Variants in EML1 observed in about 807,000 individuals in gnomAD.
The protein encoded by EML1 is echinoderm microtubule-associated protein-like 1.
EML1 carries 27 observed loss-of-function variants against 110.4 expected under a neutral mutation model. The observed-to-expected ratio is 0.24, with a 90% CI of 0.18 to 0.34. The LOEUF (loss-of-function observed/expected upper bound fraction) is 0.34, where lower values mean the gene tolerates loss of function less well. EML1 is among the 10% of genes least tolerant of loss of function. The pLI is 1.00. For synonymous variants in EML1, 344 were observed against 385.8 expected, an observed-to-expected ratio of 0.89 and a Z score of 1.27; for missense variants, 741 against 1,030.9, an observed-to-expected ratio of 0.72 and a Z score of 3.85.
intron 17 of EML1, among the ~76,000 whole-genome samples, chr14:99,932,291 T>A (rs1485979027): frequency 1.3e-5 from 2 of 152,132 alleles, no homozygotes; most frequent in Non-Finnish European, 2.9e-5. Context: ...CTGTCAGAGA[T>A]AGAAGTGGAT....
chr14:99,791,050 C>T (rs1008721146), upstream of EML1, among the ~76,000 whole-genome samples: 8 of 151,986 alleles, frequency 5.3e-5, no homozygotes, highest in Non-Finnish European at 1.2e-4. Flanking sequence ...TTGGTAGAGA[C>T]GGGGTTTCCC....
At chr14:99,874,685 T>C (rs562815663) in intron 3 of EML1, among the ~76,000 whole-genome samples, 1 of 145,268 alleles carries the variant, frequency 6.9e-6, no homozygotes, top group East Asian at 1.9e-4. Context: ...TGTTTTTTAT[T>C]CTACGTCTGG....
intron 19 of EML1, among the ~76,000 whole-genome samples, chr14:99,937,284 C>T (rs751611869): frequency 2.0e-5 from 3 of 152,158 alleles, no homozygotes; most frequent in Non-Finnish European, 2.9e-5. Context: ...GGCACAGGAA[C>T]GGTATGATTT....
At chr14:99,900,181 CTTTTTTTTTTTT>C (rs3071437) in intron 8 of EML1, among the ~76,000 whole-genome samples, 1 of 106,650 alleles carries the variant, frequency 9.4e-6, no homozygotes. Context: ...ATATTAAGCT[CTTTTTTTTTTTT>C]TTTTTTTTTT....
chr14:99,809,980 C>T (rs2058047869), intron 1 of EML1, among the ~76,000 whole-genome samples: 1 of 152,186 alleles, frequency 6.6e-6, no homozygotes, highest in Non-Finnish European at 1.5e-5. Flanking sequence ...ACCAGTATAA[C>T]CAGACAGCCG....
rs555857248 is a variant in EML1 at position 99,854,477 on chromosome 14, G to A, written c.250+3442G>A. 3.3e-5 allele frequency among the ~76,000 whole-genome samples: 5 copies of A among 152,316 alleles called. No individual in the cohort carries two copies. In the South Asian group the frequency reaches 1.0e-3, roughly 32 times the overall value. ...TGGGCCTGTGGATAGGTATTCTGTA[G>A]AGAGGGAGCTGTCACTTGTTCCCCT... On this transcript the variant is annotated intron_variant, in intron 2 of 21. Coordinates refer to ENST00000262233, the MANE Select transcript of EML1 (RefSeq NM_004434.3).
chr14:99,818,183 C>A (rs1656328470), intron 1 of EML1, among the ~76,000 whole-genome samples: 1 of 152,026 alleles, frequency 6.6e-6, no homozygotes, highest in South Asian at 2.1e-4. Flanking sequence ...CAATGGAGAT[C>A]CACTACAGGA....
chr14:99,868,342 G>T (rs1037476208), intron 3 of EML1, among the ~76,000 whole-genome samples: 1 of 152,152 alleles, frequency 6.6e-6, no homozygotes, highest in East Asian at 1.9e-4. Context: ...TGATTTGGAA[G>T]TGTTCCCTCC....
At chr14:99,836,364 TG>T in intron 1 of EML1, among the ~76,000 whole-genome samples, 1 of 152,208 alleles carries the variant, frequency 6.6e-6, no homozygotes, top group Admixed American at 6.5e-5. Context: ...TTGACTTTTT[TG>T]TGTTAACCTT....
intron 1 of EML1, among the ~76,000 whole-genome samples, chr14:99,836,673 T>C (rs1045441976): frequency 9.9e-5 from 15 of 152,250 alleles, no homozygotes; most frequent in African/African-American, 3.6e-4. Context: ...CATATTTTTG[T>C]GCATCTTTGA....
rs1205135496 is a variant in EML1, at chr14:99,898,286, C to G, written c.881C>G (p.Thr294Arg). 1 of 1,611,302 alleles carries G rather than the reference C, an allele frequency of 6.2e-7. No individual in the cohort carries two copies. The highest frequency in any genetic ancestry group is 8.5e-7 in the Non-Finnish European group (1 of 1,178,338). ...ATAGCAACAGGACAAGTTGCGGGCA[C>G]ATCGAAGGATGGAAAAGTGAGTTAC... The part of the protein sequence containing the change: ...ITIATGQVAG[T>R]SKDGKQLPPH... The change falls in exon 8 of 22, where the codon ACA becomes AGA. Residue 294 changes from threonine to arginine, a missense_variant. Thr to Arg is a moderately conservative substitution (Grantham distance 71, BLOSUM62 -1). This residue lies in a region of EML1 where 388 missense variants were observed against 605.6 expected (regional missense o/e 0.64). Coordinates refer to ENST00000262233, the MANE Select transcript of EML1 (RefSeq NM_004434.3).
chr14:99,793,288 G>T (rs995980649), upstream of EML1: 72 of 973,548 alleles, frequency 7.4e-5, no homozygotes, highest in Non-Finnish European at 8.8e-5. Flanking sequence ...CGGGCGGAGC[G>T]GGCGCTGGGC....
chr14:99,919,844 G>T (rs977522688), intron 16 of EML1, among the ~76,000 whole-genome samples: 1 of 152,174 alleles, frequency 6.6e-6, no homozygotes, highest in Non-Finnish European at 1.5e-5. Context: ...CACATTTCTG[G>T]GGGGCAGGAC....
At chr14:99,909,666 A>G (rs2059913599) in intron 11 of EML1, among the ~76,000 whole-genome samples, 187 bp downstream of exon 11, 1 of 152,294 alleles carries the variant, frequency 6.6e-6, no homozygotes, top group Non-Finnish European at 1.5e-5. Flanking sequence ...GCCTGGGTGG[A>G]GGGCAGGGAA....
intron 3 of EML1, among the ~76,000 whole-genome samples, chr14:99,874,454 AT>A (rs1443178253): frequency 6.6e-6 from 1 of 152,178 alleles, no homozygotes; most frequent in Non-Finnish European, 1.5e-5. Flanking sequence ...AATAAAGAGC[AT>A]TATTTTTCAC....
chr14:99,784,490 A>G lies in EML1; in HGVS notation c.-27+10477A>G, dbSNP rs1351950043. ...ATGTAAATTCTTTTGATGGAGTCCAATCATTAGGAATACTTTTGGGTAAAT... is the reference window on the plus strand; with the variant it reads ...ATGTAAATTCTTTTGATGGAGTCCAGTCATTAGGAATACTTTTGGGTAAAT... On this transcript the variant is annotated intron_variant, in intron 1 of 22. Coordinates refer to the EML1 transcript ENST00000327921. This position sits in a 1 kb window ranked among gnomAD's most constrained non-coding sequence, Gnocchi z 4.5. Among the ~76,000 whole-genome samples the G allele has an allele frequency of 6.6e-6, 1 of 152,248 alleles. No individual in the cohort carries two copies. The highest frequency in any genetic ancestry group is 1.9e-4 in the East Asian group (1 of 5,202).
In EML1 at chr14:99,936,827, C is replaced by T. The variant is rs974927163; in HGVS notation, c.2095+493C>T. 1.3e-5 allele frequency among the ~76,000 whole-genome samples: 2 copies of T among 152,180 alleles called. No homozygotes were observed. The highest frequency in any genetic ancestry group is 2.9e-5 in the Non-Finnish European group (2 of 68,020). Reference sequence around the variant, plus strand: ...TCTGGGCCCAGGCAGTGCTTGGGAACAGCGAGGATGATCGTGGCGGGCACT... The same window carrying T: ...TCTGGGCCCAGGCAGTGCTTGGGAATAGCGAGGATGATCGTGGCGGGCACT... On this transcript the variant is annotated intron_variant, in intron 19 of 21. Coordinates refer to ENST00000262233, the MANE Select transcript of EML1 (RefSeq NM_004434.3). This position sits in a 1 kb window ranked among gnomAD's most constrained non-coding sequence, Gnocchi z 5.5.
At chr14:99,754,854 G>A (rs1174757080) in intron 1 of EML1, among the ~76,000 whole-genome samples, 1 of 152,258 alleles carries the variant, frequency 6.6e-6, no homozygotes, top group South Asian at 2.1e-4. Context: ...TGAGAGAGGG[G>A]CTCAGAGGAG....
intron 2 of EML1, among the ~76,000 whole-genome samples, chr14:99,856,247 C>T (rs1449563204): frequency 1.3e-5 from 2 of 152,190 alleles, no homozygotes; most frequent in African/African-American, 4.8e-5. Context: ...GTGCATGCCT[C>T]TAGCAGTATT....
Sources: allele counts gnomAD v4.1 joint callset (sites outside exome capture counted in the v4.1 genomes callset), GRCh38; gene constraint gnomAD v4.1.1; regional missense constraint gnomAD v4.1.1; non-coding constraint Gnocchi (gnomAD v3.1); transcripts MANE v1.5; gene names NCBI Gene and HGNC (gene_info 2026-07-23, HGNC 2026-07-21).